Variants in SPAG16 observed in about 807,000 individuals in gnomAD.
SPAG16 encodes sperm associated antigen 16.
Under a neutral mutation model 80.4 loss-of-function variants are expected in SPAG16, and 86 were observed. The ratio of observed to expected loss-of-function variants is 1.07; its 90% confidence interval spans 0.90 to 1.28. The LOEUF is 1.28. Among genes scored for constraint, SPAG16 ranks in the 50% most tolerant of loss-of-function variants. The pLI, the probability that SPAG16 is intolerant of heterozygous loss-of-function variation, is 0.00. For synonymous variants in SPAG16, 294 were observed against 265.9 expected (o/e 1.11, Z -1.03); for missense variants, 870 against 765.3 (o/e 1.14, Z -1.61).
At chr2:214,353,842 C>T (rs146839087) in intron 15 of SPAG16, among the ~76,000 whole-genome samples, 147 of 152,250 alleles carry the variant, frequency 9.7e-4, no homozygotes, top group South Asian at 1.7e-3. Context: ...GCTTCTATCA[C>T]ACTTGTGGTT....
chr2:213,890,371 A>T (rs1014759207), intron 11 of SPAG16, among the ~76,000 whole-genome samples: 2 of 152,188 alleles, frequency 1.3e-5, no homozygotes, highest in South Asian at 2.1e-4. Context: ...TCAATTATTT[A>T]TTTGCACCAA....
chr2:213,700,855 A>T (rs889137924), intron 10 of SPAG16, among the ~76,000 whole-genome samples: 5 of 152,230 alleles, frequency 3.3e-5, no homozygotes, highest in African/African-American at 9.6e-5. Context: ...CATTTAAAAA[A>T]GATGATCTAG....
chr2:213,862,695 T>C, intron 11 of SPAG16, 67 bp downstream of exon 11: 1 of 1,544,176 alleles, frequency 6.5e-7, no homozygotes. Flanking sequence ...CTCTGTCTGC[T>C]CACTCTGCTG....
At chr2:214,284,150 C>T (rs1047350789) in intron 15 of SPAG16, among the ~76,000 whole-genome samples, 2 of 152,050 alleles carry the variant, frequency 1.3e-5, no homozygotes, top group African/African-American at 2.4e-5. Context: ...TAAGGAAATA[C>T]CCTGCAGTGA....
At chr2:213,428,008 C>T (rs1216156827) in intron 9 of SPAG16, among the ~76,000 whole-genome samples, 1 of 152,192 alleles carries the variant, frequency 6.6e-6, no homozygotes, top group African/African-American at 2.4e-5. Context: ...AACACATCAT[C>T]AACAGCTAAT....
At chr2:213,799,764 A>AAGCCAAAT (rs1254908679) in intron 10 of SPAG16, among the ~76,000 whole-genome samples, 3 of 152,162 alleles carry the variant, frequency 2.0e-5, no homozygotes, top group African/African-American at 7.2e-5. Flanking sequence ...TGAGGATATC[A>AAGCCAAAT]AGCCAAATTG....
intron 15 of SPAG16, among the ~76,000 whole-genome samples, chr2:214,173,041 G>A (rs1363566743): frequency 1.3e-5 from 2 of 150,892 alleles, no homozygotes; most frequent in South Asian, 2.1e-4. Context: ...CTCCCATTTT[G>A]TAGGTTGCCT....
At chr2:213,374,865 T>G in intron 8 of SPAG16, 145 bp from the exon 9 acceptor site, 1 of 587,756 alleles carries the variant, frequency 1.7e-6, no homozygotes. Context: ...ACATAAAGCA[T>G]TTGGTATGGT....
chr2:213,485,750 G>C (rs559132598), intron 9 of SPAG16, among the ~76,000 whole-genome samples: 29 of 152,156 alleles, frequency 1.9e-4, no homozygotes, highest in African/African-American at 6.8e-4. Context: ...CAATTCCTGT[G>C]AATGTTAGTT....
At chr2:213,459,733 A>G (rs1348254319) in intron 9 of SPAG16, among the ~76,000 whole-genome samples, 2 of 152,232 alleles carry the variant, frequency 1.3e-5, no homozygotes, top group African/African-American at 4.8e-5. Context: ...GCATGTCGCT[A>G]TTCTCTTGGA....
At chr2:213,338,781 A>G (rs952561180) in intron 5 of SPAG16, among the ~76,000 whole-genome samples, 2 of 152,218 alleles carry the variant, frequency 1.3e-5, no homozygotes, top group African/African-American at 4.8e-5. Context: ...CAAACACTGC[A>G]TGTTCTCACT....
chr2:213,951,288 G>C (rs1472243123), intron 12 of SPAG16, among the ~76,000 whole-genome samples: 2 of 151,964 alleles, frequency 1.3e-5, no homozygotes, highest in Non-Finnish European at 2.9e-5. Context: ...TTTAAAATTT[G>C]GTTGTCATAA....
At chr2:213,710,888 G>A (rs1405969246) in intron 10 of SPAG16, among the ~76,000 whole-genome samples, 1 of 152,112 alleles carries the variant, frequency 6.6e-6, no homozygotes, top group Admixed American at 6.5e-5. Flanking sequence ...TTACTAATGA[G>A]CATATTGTTT....
chr2:213,963,294 A>T (rs994859948), intron 12 of SPAG16, among the ~76,000 whole-genome samples: 1 of 151,906 alleles, frequency 6.6e-6, no homozygotes, highest in African/African-American at 2.4e-5. Flanking sequence ...TACTTGATAC[A>T]TTATTCAGGA....
chr2:213,432,903 A>G (rs1272601923), intron 9 of SPAG16, among the ~76,000 whole-genome samples: 3 of 152,198 alleles, frequency 2.0e-5, no homozygotes, highest in Non-Finnish European at 4.4e-5. Flanking sequence ...ATAATACACC[A>G]TGATCAAGTG....
chr2:213,770,503 G>T (rs1377657928), intron 10 of SPAG16, among the ~76,000 whole-genome samples: 1 of 151,990 alleles, frequency 6.6e-6, no homozygotes, highest in East Asian at 1.9e-4. Flanking sequence ...AGGACATGCA[G>T]GTTTGTTACA....
At chr2:214,074,746 AC>A (rs1320444050) in intron 13 of SPAG16, among the ~76,000 whole-genome samples, 1 of 152,158 alleles carries the variant, frequency 6.6e-6, no homozygotes, top group Non-Finnish European at 1.5e-5. Flanking sequence ...CAGTACATAT[AC>A]AAAAAATATT....
intron 15 of SPAG16, among the ~76,000 whole-genome samples, chr2:214,313,446 G>C (rs567556218): frequency 4.5e-4 from 68 of 152,172 alleles, no homozygotes; most frequent in Non-Finnish European, 6.8e-4. Context: ...AGATATATTT[G>C]GGAACATTTA....
chr2:213,493,920 C>A (rs1352212134), intron 10 of SPAG16, among the ~76,000 whole-genome samples: 1 of 152,200 alleles, frequency 6.6e-6, no homozygotes, highest in African/African-American at 2.4e-5. Flanking sequence ...CTTGTCCTTG[C>A]CATTCTCCTC....
Sources: allele counts gnomAD v4.1 joint callset (sites outside exome capture counted in the v4.1 genomes callset), GRCh38; gene constraint gnomAD v4.1.1; transcripts MANE v1.5; gene names NCBI Gene and HGNC (gene_info 2026-07-23, HGNC 2026-07-21).